NUP214: variants seen among roughly 807,000 people sequenced by gnomAD.
The protein encoded by NUP214 is nuclear pore complex protein Nup214.
Under a neutral mutation model 196.2 loss-of-function variants are expected in NUP214, and 79 were observed. The ratio of observed to expected loss-of-function variants is 0.40; its 90% CI spans 0.34 to 0.49. The LOEUF (loss-of-function observed/expected upper bound fraction) is 0.49. NUP214 is among the 20% of genes least tolerant of loss of function. NUP214 has a pLI of 0.58. For missense variants in NUP214, 2,468 were observed against 2,539.0 expected (o/e 0.97, Z 0.60); for synonymous variants, 1,020 against 990.5 (o/e 1.03, Z -0.56).
At chr9:131,127,200 T>C in intron 1 of NUP214, 1 of 174,052 alleles carries the variant, frequency 5.7e-6, no homozygotes, top group Non-Finnish European at 1.2e-5. Context: ...CTGGCCAACA[T>C]AATGAAACCC....
At chr9:131,192,352 C>T (rs1224014718) in intron 27 of NUP214, 60 bp downstream of exon 27, 6 of 976,406 alleles carry the variant, frequency 6.1e-6, no homozygotes, top group Non-Finnish European at 8.0e-6. Context: ...CCAAATCTTA[C>T]AATTATAGAT....
intron 24 of NUP214, 67 bp from the exon 25 acceptor site, chr9:131,187,222 T>A (rs77246077): frequency 0.072 from 101,407 of 1,400,042 alleles, 4,517 homozygotes; most frequent in Non-Finnish European, 0.085. Flanking sequence ...GAAGGTTGGC[T>A]TGAGAATGAA....
Position 131,146,282 on chromosome 9 carries a change from C to T in NUP214, c.1923C>T (p.Ser641=). Residue 641 remains serine, a synonymous_variant, in exon 13 of 36, where the codon TCC becomes TCT. Transcript: ENST00000359428. The surrounding 1 kb of genome is among the most constrained non-coding windows in gnomAD (Gnocchi z 4.6). The stretch of plus-strand genomic sequence containing the variant: ...CACCTAGTTCCGTGCCATTGAAGTC[C>T]TCAGTCTTGCCCTCACCATCAGGTA... ...SAPPSSVPLK[S]SVLPSPSGRS... is the part of the protein sequence containing the mutation. 6.2e-7 allele frequency: 1 copy of T among 1,614,180 alleles called. No individual in the cohort carries two copies. The highest frequency in any genetic ancestry group is 2.2e-5 in the East Asian group (1 of 44,886).
At chr9:131,163,599 G>T (rs1832705504) in intron 19 of NUP214, among the ~76,000 whole-genome samples, 3 of 152,016 alleles carry the variant, frequency 2.0e-5, no homozygotes, top group Non-Finnish European at 4.4e-5. Context: ...TACCAAAATG[G>T]TTTTGTGTTT....
rs751873021 is a variant in NUP214, at chr9:131,222,945, ATTTGTT to A, written c.5902+16_5902+21del. On this transcript the variant is annotated intron_variant, in intron 32 of 35. Coordinates refer to ENST00000359428, the MANE Select transcript of NUP214 (RefSeq NM_005085.4). ...AAACAAAACAGGTACTCCTATGTCT[ATTTGTT>A]ATGGTTATCTTTATATATGTATTTG... 1.5e-5 allele frequency: 24 copies of A among 1,610,288 alleles called. No individual in the cohort carries two copies. The highest frequency in any genetic ancestry group is 1.9e-5 in the Non-Finnish European group (22 of 1,177,878).
intron 34 of NUP214, among the ~76,000 whole-genome samples, chr9:131,231,536 G>A (rs1198071872): frequency 6.7e-6 from 1 of 150,232 alleles, no homozygotes; most frequent in African/African-American, 2.5e-5. Context: ...TCTTACCAAA[G>A]AAATTACTGT....
Position 131,198,731 on chromosome 9 carries a change from G to C in NUP214, c.5237G>C (p.Ser1746Thr), listed in dbSNP as rs141655844. Reference sequence around the variant, plus strand: ...AGTGCTGCAAGTGTCTTTTCCTTCAGTCAGCCTGGGTTCAGTTCCGTGCCT... The same window carrying C: ...AGTGCTGCAAGTGTCTTTTCCTTCACTCAGCCTGGGTTCAGTTCCGTGCCT... ...ASSAASVFSFSQPGFSSVPAF... is the reference protein window; with the variant it reads ...ASSAASVFSFTQPGFSSVPAF... Residue 1746 changes from serine to threonine, a missense_variant, in exon 29 of 36, where the codon AGT becomes ACT. By Grantham distance (58) the Ser-to-Thr change is moderately conservative (BLOSUM62 1). Coordinates refer to ENST00000359428, the MANE Select transcript of NUP214 (RefSeq NM_005085.4). 7.7e-5 allele frequency: 124 copies of C among 1,614,078 alleles called. 1 individual carries two copies. In the African/African-American group the frequency reaches 1.6e-3, roughly 21 times the overall value.
In NUP214 at chr9:131,208,405, G is replaced by A. The variant is rs553216179; in HGVS notation, c.5592+6688G>A. 1.8e-4 allele frequency among the ~76,000 whole-genome samples: 27 copies of A among 152,240 alleles called. 1 individual carries two copies. The highest frequency in any genetic ancestry group is 3.8e-4 in the Non-Finnish European group (26 of 68,042). ...GGATATTTTTCAGCCATAAAAAGGAGTGAAGTTCTTGGCCGGGTGCAGTGG... is the reference window on the plus strand; with the variant it reads ...GGATATTTTTCAGCCATAAAAAGGAATGAAGTTCTTGGCCGGGTGCAGTGG... On this transcript the variant is annotated intron_variant, in intron 30 of 35. Coordinates refer to ENST00000359428, the MANE Select transcript of NUP214 (RefSeq NM_005085.4).
rs71389402 is a variant in NUP214, at chr9:131,193,629, C to CTTTTTTTTTTTTTTTTTTTTTTTTTTTTT, written c.3659+1342_3659+1370dup. Among the ~76,000 whole-genome samples the CTTTTTTTTTTTTTTTTTTTTTTTTTTTTT allele has an allele frequency of 8.9e-4, 25 of 28,230 alleles. 9 individuals carry two copies. The highest frequency in any genetic ancestry group is 3.6e-3 in the East Asian group (3 of 832). 18.5% of individuals were successfully genotyped at this position (28,230 alleles called of 152,430 possible). ...GTGAAATGATATTCTTCTTCCTTTT[C>CTTTTTTTTTTTTTTTTTTTTTTTTTTTTT]TTTTTTTTTTTTTTTTTTTTTTTTT... is the stretch of plus-strand genomic sequence containing the variant. On this transcript the variant is annotated intron_variant, in intron 27 of 35. Transcript: ENST00000359428.
chr9:131,233,704 A>AGACTGTACG lies in NUP214; in HGVS notation c.*219_*220insCTGTACGGA. On this transcript the variant is annotated 3_prime_UTR_variant, in exon 36 of 36. Transcript: ENST00000359428. The stretch of plus-strand genomic sequence containing the variant: ...ACTATTAAACAGTCTGTTTCCGTAC[A>AGACTGTACG]GAACGTATGTGGGTTTTTTCAGATC... 1 of 599,512 alleles carries AGACTGTACG rather than the reference A, an allele frequency of 1.7e-6. No individual in the cohort carries two copies. Among genetic ancestry groups the AGACTGTACG allele is most frequent in the Non-Finnish European group, 3.1e-6 (1 of 326,100 alleles). The allele number at this position is 599,512 out of a possible 1,614,324, so 37.1% of individuals were successfully genotyped here.
At chr9:131,225,572 T>C (rs1834697805) in intron 32 of NUP214, among the ~76,000 whole-genome samples, 1 of 152,202 alleles carries the variant, frequency 6.6e-6, no homozygotes, top group Non-Finnish European at 1.5e-5. Context: ...ATACATAAGA[T>C]GAGTGAACTA....
intron 24 of NUP214, among the ~76,000 whole-genome samples, chr9:131,186,880 G>A (rs976315922): frequency 1.3e-5 from 2 of 152,150 alleles, no homozygotes; most frequent in African/African-American, 2.4e-5. Flanking sequence ...CGGTAGCAGC[G>A]AATTGGATGC....
intron 32 of NUP214, among the ~76,000 whole-genome samples, 153 bp downstream of exon 32, chr9:131,223,083 C>A (rs1215290624): frequency 1.3e-5 from 2 of 152,142 alleles, no homozygotes; most frequent in Non-Finnish European, 2.9e-5. Context: ...TTTATATTTA[C>A]TGAGCATCTG....
In NUP214 at chr9:131,151,718, T is replaced by C; in HGVS notation, c.2278-18T>C. The C allele has an allele frequency of 1.3e-6, 2 of 1,593,708 alleles. No individual in the cohort carries two copies. Among genetic ancestry groups the C allele is most frequent in the East Asian group, 2.2e-5 (1 of 44,604 alleles). ...CGTAACAACTTTTTGTACCAACACATTATTGTACTTTTTCTAGTCGCTTCA... is the reference window on the plus strand; with the variant it reads ...CGTAACAACTTTTTGTACCAACACACTATTGTACTTTTTCTAGTCGCTTCA... On this transcript the variant is annotated intron_variant, in intron 16 of 35. Coordinates refer to ENST00000359428, the MANE Select transcript of NUP214 (RefSeq NM_005085.4).
chr9:131,151,115 C>T (rs771055098), intron 16 of NUP214, among the ~76,000 whole-genome samples: 1 of 151,994 alleles, frequency 6.6e-6, no homozygotes, highest in Admixed American at 6.6e-5. Flanking sequence ...AAATAGTGTT[C>T]GATTTTTAAA....
In NUP214 at chr9:131,197,528, C is replaced by G. The variant is rs1480923141; in HGVS notation, c.4034C>G (p.Ser1345Cys). The change falls in exon 29 of 36, where the codon TCT (serine) becomes TGT (cysteine). Residue 1345 changes from serine (S) to cysteine (C), a missense_variant. By Grantham distance (112) the Ser-to-Cys change is moderately radical (BLOSUM62 -1). Coordinates refer to ENST00000359428, the MANE Select transcript of NUP214 (RefSeq NM_005085.4). ...CTGCGGGTTGGCCAAGCAGATGATT[C>G]TACAAAACCAACCAATAAGGCTTCA... ...SGLRVGQADDSTKPTNKASST... is the reference protein window; with the variant it reads ...SGLRVGQADDCTKPTNKASST... The G allele has an allele frequency of 6.2e-7, 1 of 1,614,188 alleles. No individual in the cohort carries two copies. The highest frequency in any genetic ancestry group is 1.1e-5 in the South Asian group (1 of 91,080).
intron 21 of NUP214, among the ~76,000 whole-genome samples, chr9:131,169,545 G>A (rs1385125351): frequency 1.3e-5 from 2 of 152,202 alleles, no homozygotes; most frequent in African/African-American, 2.4e-5. Flanking sequence ...TGCAATCCCA[G>A]TAGCCACATT....
chr9:131,188,075 C>T (rs922385034), intron 25 of NUP214, among the ~76,000 whole-genome samples: 2 of 152,228 alleles, frequency 1.3e-5, no homozygotes, highest in African/African-American at 4.8e-5. Flanking sequence ...CCAACGCAAA[C>T]TCTCACGATT....
Position 131,127,594 on chromosome 9 carries a change from C to G in NUP214, c.116C>G (p.Ser39Trp). The part of the protein sequence containing the change: ...DSPEELPKER[S>W]SLLAVSNKYG... ...CCTGAGGAATTGCCCAAGGAACGCT[C>G]GAGTCTGCTTGCTGTGTCCAACAAA... Residue 39 changes from serine (S) to tryptophan (W), a missense_variant, in exon 2 of 36, where the codon TCG (serine) becomes TGG (tryptophan). By Grantham distance (177) the Ser-to-Trp change is radical (BLOSUM62 -3). Transcript: ENST00000359428. 1 of 1,614,036 alleles carries G rather than the reference C, an allele frequency of 6.2e-7. No individual in the cohort carries two copies. Among genetic ancestry groups the G allele is most frequent in the Non-Finnish European group, 8.5e-7 (1 of 1,179,954 alleles).
Sources: gnomAD v4.1 joint callset for allele counts (sites outside exome capture counted in the v4.1 genomes callset) on GRCh38, gnomAD v4.1.1 for gene constraint, Gnocchi (gnomAD v3.1) non-coding constraint, MANE v1.5 for transcripts, NCBI Gene and HGNC (gene_info 2026-07-23, HGNC 2026-07-21) for gene names.